Variants in UNC13C observed in about 807,000 individuals in gnomAD.
UNC13C encodes protein unc-13 homolog C.
UNC13C carries 174 observed loss-of-function variants against 245.4 expected under a neutral mutation model. That is an observed-to-expected ratio of 0.71 (90% CI 0.63 to 0.80). The LOEUF (loss-of-function observed/expected upper bound fraction) is 0.80, where lower values mean the gene tolerates loss of function less well. UNC13C is among the 30% of genes least tolerant of loss of function. UNC13C has a pLI of 0.00. For synonymous variants in UNC13C, 992 were observed against 895.1 expected (o/e 1.11, Z -1.93); for missense variants, 2,829 against 2,602.9 (o/e 1.09, Z -1.89).
At chr15:54,184,844 C>A (rs557051214) in intron 4 of UNC13C, among the ~76,000 whole-genome samples, 93 of 152,292 alleles carry the variant, frequency 6.1e-4, no homozygotes, top group African/African-American at 2.1e-3. Flanking sequence ...AATTGCCACA[C>A]CGACTTCCAC....
At chr15:54,483,899 C>T (rs12907044) in intron 19 of UNC13C, among the ~76,000 whole-genome samples, 62,690 of 151,856 alleles carry the variant, frequency 0.41, 13,178 homozygotes, top group East Asian at 0.62. Context: ...CTACCTTTTA[C>T]CAACAGAAAC....
chr15:54,407,960 G>C (rs538244196), intron 18 of UNC13C, among the ~76,000 whole-genome samples: 1 of 152,032 alleles, frequency 6.6e-6, no homozygotes, highest in Non-Finnish European at 1.5e-5. Flanking sequence ...CCAGCATTTT[G>C]GGAGGCCAAG....
At chr15:54,420,342 C>A (rs1325503753) in intron 19 of UNC13C, among the ~76,000 whole-genome samples, 1 of 152,062 alleles carries the variant, frequency 6.6e-6, no homozygotes, top group East Asian at 1.9e-4. Flanking sequence ...TCTCCACAAA[C>A]TCCTTGACCA....
intron 30 of UNC13C, among the ~76,000 whole-genome samples, chr15:54,580,868 A>T (rs1898168092): frequency 6.6e-6 from 1 of 152,102 alleles, no homozygotes; most frequent in Admixed American, 6.5e-5. Flanking sequence ...TGACTGAGAG[A>T]TCTGTGACAC....
chr15:54,201,129 C>T (rs1054800682), intron 4 of UNC13C, among the ~76,000 whole-genome samples: 2 of 151,976 alleles, frequency 1.3e-5, no homozygotes, highest in African/African-American at 4.8e-5. Context: ...TATAGAATCT[C>T]TGAACAGACC....
At chr15:54,259,702 T>C (rs1359337891) in intron 8 of UNC13C, among the ~76,000 whole-genome samples, 2 of 150,400 alleles carry the variant, frequency 1.3e-5, no homozygotes, top group African/African-American at 5.0e-5. Context: ...AAAGTGATAC[T>C]CTTTATATAT....
the UNC13C span, among the ~76,000 whole-genome samples, chr15:53,941,923 T>G: frequency 3.9e-5 from 6 of 152,174 alleles, no homozygotes; most frequent in Non-Finnish European, 7.3e-5. Flanking sequence ...CTGATGAGGT[T>G]GCCGAGAAAA....
intron 1 of UNC13C, among the ~76,000 whole-genome samples, chr15:54,006,573 G>C (rs550674817): frequency 6.6e-6 from 1 of 152,268 alleles, no homozygotes; most frequent in South Asian, 2.1e-4. Context: ...TCATCCCTGT[G>C]ATCATCAGTC....
intron 19 of UNC13C, among the ~76,000 whole-genome samples, chr15:54,457,196 G>A (rs1008895277): frequency 6.6e-6 from 1 of 152,044 alleles, no homozygotes; most frequent in African/African-American, 2.4e-5. Flanking sequence ...ACTTGCATAT[G>A]TTAAACCAAC....
At chr15:54,543,667 C>G (rs988281918) in intron 26 of UNC13C, among the ~76,000 whole-genome samples, 2 of 152,070 alleles carry the variant, frequency 1.3e-5, no homozygotes, top group African/African-American at 4.8e-5. Context: ...CTATAAACAC[C>G]TGTATGCAAA....
chr15:54,058,509 C>G (rs1391337828), intron 2 of UNC13C, among the ~76,000 whole-genome samples: 7 of 152,182 alleles, frequency 4.6e-5, no homozygotes, highest in Non-Finnish European at 1.0e-4. Context: ...CAGATGGACT[C>G]ACAGCCGAAT....
intron 4 of UNC13C, among the ~76,000 whole-genome samples, chr15:54,169,973 C>T (rs2033327616): frequency 2.1e-5 from 3 of 145,546 alleles, no homozygotes; most frequent in Non-Finnish European, 4.5e-5. Context: ...TTCATATCAG[C>T]AAGGACAATA....
intron 8 of UNC13C, 134 bp downstream of exon 8, chr15:54,250,578 T>C (rs914790884): frequency 1.4e-5 from 10 of 737,424 alleles, no homozygotes; most frequent in Admixed American, 1.2e-4. Flanking sequence ...TACACAAAGA[T>C]ACACATACTG....
chr15:53,882,646 G>A, the UNC13C span, among the ~76,000 whole-genome samples: 4 of 152,092 alleles, frequency 2.6e-5, no homozygotes, highest in Admixed American at 1.3e-4. Context: ...ATTTGGTGAT[G>A]GTGGCCCACT....
At chr15:54,509,241 G>T (rs1314733644) in intron 23 of UNC13C, among the ~76,000 whole-genome samples, 1 of 152,072 alleles carries the variant, frequency 6.6e-6, no homozygotes. Context: ...AAACATTTGA[G>T]TTCTCCGGGT....
intron 4 of UNC13C, among the ~76,000 whole-genome samples, chr15:54,183,131 TA>T (rs1485556891): frequency 6.6e-6 from 1 of 151,410 alleles, no homozygotes; most frequent in African/African-American, 2.4e-5. Flanking sequence ...AAAGGTGAAA[TA>T]GGGGGACAAA....
At chr15:54,578,296 T>C (rs1332053992) in intron 30 of UNC13C, among the ~76,000 whole-genome samples, 2 of 151,948 alleles carry the variant, frequency 1.3e-5, no homozygotes, top group Non-Finnish European at 2.9e-5. Flanking sequence ...GTACTTCTAG[T>C]GTTTCTTTCA....
rs1324146087 is a variant in UNC13C, at chr15:54,553,607, A to C, written c.5878-1825A>C. On this transcript the variant is annotated intron_variant, in intron 28 of 32. Coordinates refer to ENST00000260323, the MANE Select transcript of UNC13C (RefSeq NM_001080534.3). ...ATAAATCTTCAGGAACTGGTGATAT[A>C]ATATTAAAACCAATTGATGAAAATA... 3.3e-5 allele frequency among the ~76,000 whole-genome samples: 5 copies of C among 150,288 alleles called. No individual in the cohort carries two copies. The East Asian group carries it at 7.8e-4, about 23-fold the overall frequency.
rs1015441482 is a variant in UNC13C at position 54,017,383 on chromosome 15, G to T, written c.2983+1497G>T. On this transcript the variant is annotated intron_variant, in intron 2 of 32. Transcript: ENST00000260323. Reference sequence around the variant, plus strand: ...ATATCCTTGTTACTGAAATTCATTTGCTATTTCTTGGGATACAGGCCAGCA... The same window carrying T: ...ATATCCTTGTTACTGAAATTCATTTTCTATTTCTTGGGATACAGGCCAGCA... Among the ~76,000 whole-genome samples the T allele has an allele frequency of 4.4e-4, 67 of 151,924 alleles. 1 individual carries two copies. Among genetic ancestry groups the T allele is most frequent in the Admixed American group, 4.1e-3 (63 of 15,242 alleles).
Sources: allele counts gnomAD v4.1 joint callset (sites outside exome capture counted in the v4.1 genomes callset), GRCh38; gene constraint gnomAD v4.1.1; transcripts MANE v1.5; gene names NCBI Gene and HGNC (gene_info 2026-07-23, HGNC 2026-07-21).